The following NAV2 variants were observed in gnomAD, a reference collection of about 807,000 sequenced individuals.
The protein encoded by NAV2 is neuron navigator 2, also known as helicase, APC down-regulated 1.
In NAV2, 54 loss-of-function variants were observed where a neutral mutation model predicts 223.2. The observed-to-expected ratio is 0.24, with a 90% CI of 0.19 to 0.30. NAV2 has a LOEUF of 0.30. Among genes scored for constraint, NAV2 ranks in the 10% least tolerant of loss-of-function variants. NAV2 has a pLI of 1.00. For missense variants in NAV2, 2,806 were observed against 3,147.5 expected, an observed-to-expected ratio of 0.89 and a Z score of 2.60; for synonymous variants, 1,279 against 1,239.3, an observed-to-expected ratio of 1.03 and a Z score of -0.67.
chr11:20,070,715 T>A (rs1002205424), intron 22 of NAV2, among the ~76,000 whole-genome samples: 14 of 152,104 alleles, frequency 9.2e-5, no homozygotes, highest in African/African-American at 3.4e-4. Context: ...ATACCACTTG[T>A]GTTTGTTTTC....
upstream of NAV2, chr11:19,712,561 C>G (rs1377343773): frequency 6.6e-6 from 1 of 152,218 alleles, no homozygotes; most frequent in East Asian, 1.9e-4. Flanking sequence ...CGGACGGTTG[C>G]GTTCGAAAGG....
chr11:19,832,479 T>TC lies in NAV2; in HGVS notation c.268-5_268-4insC, dbSNP rs1565394899. 1.3e-6 allele frequency: 2 copies of TC among 1,565,808 alleles called. No homozygotes were observed. The highest frequency in any genetic ancestry group is 3.3e-5 in the African/African-American group (2 of 61,148). On this transcript the variant is annotated splice_polypyrimidine_tract_variant and splice_region_variant and intron_variant, in intron 1 of 37. Coordinates refer to ENST00000349880, the MANE Select transcript of NAV2 (RefSeq NM_145117.5). ...CCTAAAGTTGCCTGTTTGCTTTTTT[T>TC]ACAGATCTACACAGACTGGGCCAAT...
chr11:19,489,275 A>G (rs2042545995), intron 1 of NAV2, among the ~76,000 whole-genome samples: 1 of 152,186 alleles, frequency 6.6e-6, no homozygotes, highest in African/African-American at 2.4e-5. Context: ...GAGACCCAAC[A>G]TTGTTGTCTT....
intron 8 of NAV2, 41 bp downstream of exon 8, chr11:19,939,814 AG>A (rs1196620192): frequency 6.8e-7 from 1 of 1,480,578 alleles, no homozygotes; most frequent in East Asian, 2.3e-5. Context: ...GTTGGTGATG[AG>A]GCCTTCCACG....
At chr11:20,075,988 CTT>C (rs2059725752) in intron 22 of NAV2, among the ~76,000 whole-genome samples, 1 of 152,180 alleles carries the variant, frequency 6.6e-6, no homozygotes, top group African/African-American at 2.4e-5. Context: ...CATAGTTTCT[CTT>C]GTCACTTTCT....
rs189650422 is a variant in NAV2 at position 19,595,273 on chromosome 11, A to T, written c.76-237211A>T. 2.0e-4 allele frequency among the ~76,000 whole-genome samples: 30 copies of T among 152,302 alleles called. No homozygotes were observed. The East Asian group carries it at 4.8e-3, about 25-fold the overall frequency. ...GCTAAGCATGTAACCATGACCAGGG[A>T]GCATCCTCAGGAGAAAGACTCAGGA... On this transcript the variant is annotated intron_variant, in intron 1 of 37. Coordinates refer to the NAV2 transcript ENST00000360655.
At chr11:19,743,633 G>A (rs1393015292) in intron 1 of NAV2, among the ~76,000 whole-genome samples, 2 of 152,350 alleles carry the variant, frequency 1.3e-5, no homozygotes, top group Admixed American at 1.3e-4. Flanking sequence ...GAATTCCAAG[G>A]CGAGGCCACA....
In NAV2 at chr11:19,713,237, G is replaced by C. The variant is rs1437929530; in HGVS notation, c.-459G>C. ...TCCTTGGCTGCTCGCTCTTTCTCTC[G>C]CCGGCTCAGACCCGTAGCCTCCGGA... On this transcript the variant is annotated 5_prime_UTR_variant, in exon 1 of 38. Transcript: ENST00000349880. This position sits in a 1 kb window ranked among gnomAD's most constrained non-coding sequence, Gnocchi z 7.2. The C allele has an allele frequency of 1.2e-6, 1 of 867,622 alleles. No homozygotes were observed. Among genetic ancestry groups the C allele is most frequent in the Non-Finnish European group, 1.4e-6 (1 of 720,732 alleles). The allele number at this position is 867,622 out of a possible 1,614,324, so 53.7% of individuals were successfully genotyped here.
chr11:19,988,344 A>T (rs2050988412), intron 11 of NAV2, among the ~76,000 whole-genome samples: 1 of 152,338 alleles, frequency 6.6e-6, no homozygotes, highest in Non-Finnish European at 1.5e-5. Flanking sequence ...ACTACTTGGT[A>T]ACTTTCTTCT....
chr11:19,521,807 CA>C (rs1364104605), intron 1 of NAV2, among the ~76,000 whole-genome samples: 1 of 152,176 alleles, frequency 6.6e-6, no homozygotes. Context: ...AGCAGAAATG[CA>C]AACCCAGGAC....
intron 4 of NAV2, among the ~76,000 whole-genome samples, chr11:19,871,313 C>T (rs1015417803): frequency 3.3e-5 from 5 of 152,200 alleles, no homozygotes; most frequent in Non-Finnish European, 5.9e-5. Flanking sequence ...CTACTCAAAG[C>T]TCTTTACCCT....
chr11:19,587,778 C>G (rs1222582697), intron 1 of NAV2, among the ~76,000 whole-genome samples: 1 of 152,164 alleles, frequency 6.6e-6, no homozygotes, highest in East Asian at 1.9e-4. Flanking sequence ...ACACAAGCTT[C>G]TATAACAAGA....
At chr11:19,349,808 T>C (rs1228064163), upstream of NAV2, among the ~76,000 whole-genome samples, 1 of 152,078 alleles carries the variant, frequency 6.6e-6, no homozygotes, top group African/African-American at 2.4e-5. Context: ...TCCTCTCTCC[T>C]CCCTCCCTGT....
intron 1 of NAV2, among the ~76,000 whole-genome samples, chr11:19,367,735 C>G (rs1394924709): frequency 6.6e-6 from 1 of 152,120 alleles, no homozygotes; most frequent in African/African-American, 2.4e-5. Context: ...TAAGTCAGGT[C>G]CAGAGAAGCC....
Position 20,101,648 on chromosome 11 carries a change from G to C in NAV2, c.6417+476G>C, listed in dbSNP as rs372680444. ...TTTACAGAGAAGGAAACAGAGGCTT[G>C]AAGCAGATTGGTCCTGCACCTAAGA... On this transcript the variant is annotated intron_variant, in intron 32 of 37. Transcript: ENST00000349880. 9.7e-4 allele frequency among the ~76,000 whole-genome samples: 148 copies of C among 152,288 alleles called. 1 individual carries two copies. Among genetic ancestry groups the C allele is most frequent in the African/African-American group, 3.1e-3 (129 of 41,548 alleles).
intron 9 of NAV2, 141 bp downstream of exon 9, chr11:19,946,650 C>T: frequency 1.4e-6 from 1 of 722,036 alleles, no homozygotes; most frequent in Non-Finnish European, 2.3e-6. Context: ...ACAAAGAATG[C>T]CATATGACAT....
At chr11:20,010,629 C>T (rs1306419702) in intron 11 of NAV2, among the ~76,000 whole-genome samples, 1 of 152,136 alleles carries the variant, frequency 6.6e-6, no homozygotes, top group Admixed American at 6.5e-5. Flanking sequence ...TATGTACAGC[C>T]GTGGCTTTTA....
chr11:19,720,311 G>A (rs1334869323), intron 1 of NAV2, among the ~76,000 whole-genome samples: 2 of 152,218 alleles, frequency 1.3e-5, no homozygotes, highest in Non-Finnish European at 2.9e-5. Flanking sequence ...ATCTACACAA[G>A]ACAATAGTGA....
At chr11:19,392,597 A>T (rs1333395282) in intron 1 of NAV2, among the ~76,000 whole-genome samples, 7 of 152,140 alleles carry the variant, frequency 4.6e-5, no homozygotes. Flanking sequence ...CAGGCAGAAA[A>T]TGTACTGCCT....
Sources: gnomAD v4.1 joint callset for allele counts (sites outside exome capture counted in the v4.1 genomes callset) on GRCh38, gnomAD v4.1.1 for gene constraint, Gnocchi (gnomAD v3.1) non-coding constraint, MANE v1.5 for transcripts, NCBI Gene and HGNC (gene_info 2026-07-23, HGNC 2026-07-21) for gene names.